CAPN13: variants seen among roughly 807,000 people sequenced by gnomAD.
CAPN13 encodes the protein calpain 13.
A neutral mutation model predicts 98.4 loss-of-function variants in CAPN13; 90 were observed. The observed-to-expected ratio is 0.92, with a 90% CI of 0.77 to 1.09. CAPN13 has a LOEUF of 1.09. Among genes scored for constraint, CAPN13 ranks in the 50% least tolerant of loss-of-function variants. CAPN13 has a pLI of 0.00. For missense variants in CAPN13, 887 were observed against 841.3 expected, an observed-to-expected ratio of 1.05 and a Z score of -0.67; for synonymous variants, 330 against 305.5, an observed-to-expected ratio of 1.08 and a Z score of -0.84.
intron 22 of CAPN13, among the ~76,000 whole-genome samples, chr2:30,728,520 T>C (rs1004023649): frequency 6.6e-6 from 1 of 152,060 alleles, no homozygotes; most frequent in Non-Finnish European, 1.5e-5. Context: ...GGCCAAAGGC[T>C]TCAGGCTGGG....
At chr2:30,775,312 T>C (rs772466559) in intron 4 of CAPN13, among the ~76,000 whole-genome samples, 1 of 152,144 alleles carries the variant, frequency 6.6e-6, no homozygotes, top group Non-Finnish European at 1.5e-5. Context: ...ACACCACCAA[T>C]ATAAATATAA....
intron 1 of CAPN13, among the ~76,000 whole-genome samples, chr2:30,803,073 G>A (rs746556858): frequency 2.6e-5 from 4 of 152,194 alleles, no homozygotes; most frequent in East Asian, 1.9e-4. Flanking sequence ...CATGCCATCC[G>A]ACTGTATCTT....
chr2:30,751,860 C>A (rs1258090657), intron 10 of CAPN13, among the ~76,000 whole-genome samples: 3 of 152,182 alleles, frequency 2.0e-5, no homozygotes, highest in Admixed American at 1.3e-4. Context: ...GGACGTGCTG[C>A]GAGGACTGGA....
At chr2:30,803,111 T>C (rs1675391332) in intron 1 of CAPN13, among the ~76,000 whole-genome samples, 2 of 152,206 alleles carry the variant, frequency 1.3e-5, no homozygotes, top group African/African-American at 4.8e-5. Flanking sequence ...TAGAGTTTTC[T>C]GAGGTGGGGC....
Position 30,727,778 on chromosome 2 carries a change from G to A in CAPN13, c.*30+2952C>T, listed in dbSNP as rs143979591. ...TCAAAAATTTACAAATAGAATTTCC[G>A]TATGATCCAGCAGTTCCACTCATAA... On this transcript the variant is annotated intron_variant, in intron 22 of 22. Transcript: ENST00000295055. 6.8e-3 allele frequency among the ~76,000 whole-genome samples: 1,034 copies of A among 152,162 alleles called. 8 individuals are homozygous for A. Among genetic ancestry groups the A allele is most frequent in the Non-Finnish European group, 8.9e-3 (603 of 68,008 alleles).
At chr2:30,759,986 G>C (rs1304259645) in intron 7 of CAPN13, among the ~76,000 whole-genome samples, 1 of 152,170 alleles carries the variant, frequency 6.6e-6, no homozygotes, top group Non-Finnish European at 1.5e-5. Flanking sequence ...CAGCAGAAGG[G>C]GCTCTGACTT....
intron 2 of CAPN13, among the ~76,000 whole-genome samples, chr2:30,785,610 GC>G (rs1674233401): frequency 2.0e-5 from 3 of 152,020 alleles, no homozygotes; most frequent in Admixed American, 2.0e-4. Context: ...GTTTCTCCTT[GC>G]CCCCAAAAGA....
At chr2:30,754,447 G>A in intron 8 of CAPN13, 83 bp from the exon 9 acceptor site, 1 of 1,138,216 alleles carries the variant, frequency 8.8e-7, no homozygotes, top group East Asian at 2.8e-5. Context: ...GGGACCCTCT[G>A]TACATGTCAC....
Position 30,775,981 on chromosome 2 carries a change from G to A in CAPN13, c.336C>T (p.Ile112=). The A allele has an allele frequency of 2.5e-6, 4 of 1,612,938 alleles. No homozygotes were observed. Among genetic ancestry groups the A allele is most frequent in the Non-Finnish European group, 3.4e-6 (4 of 1,179,408 alleles). ...GGTGTGAAAAGCTTTGGACCATCAG[G>A]ATCTTCTGCCTGTACTGTGGGTTCT... ...LTQNPQYRQK[I]LMVQSFSHQY... is the part of the protein sequence containing the mutation. The change falls in exon 4 of 23, where the codon ATC becomes ATT. Residue 112 remains isoleucine (I), a synonymous_variant. Transcript: ENST00000295055.
At chr2:30,748,591 G>A (rs950223856) in intron 11 of CAPN13, among the ~76,000 whole-genome samples, 2 of 151,982 alleles carry the variant, frequency 1.3e-5, no homozygotes, top group African/African-American at 4.8e-5. Context: ...CATCTAATTG[G>A]GCAGGCCTGG....
chr2:30,803,149 G>C (rs188861836), intron 1 of CAPN13, among the ~76,000 whole-genome samples: 1 of 152,342 alleles, frequency 6.6e-6, no homozygotes, highest in African/African-American at 2.4e-5. Flanking sequence ...TCAGCTGGTT[G>C]GCTGCCACGT....
chr2:30,728,191 G>C (rs1299658244), intron 22 of CAPN13, among the ~76,000 whole-genome samples: 3 of 150,070 alleles, frequency 2.0e-5, no homozygotes, highest in African/African-American at 7.4e-5. Context: ...GGGCATGCTA[G>C]ATGGGCATGG....
chr2:30,751,072 C>G, intron 11 of CAPN13, 31 bp downstream of exon 11: 1 of 1,609,020 alleles, frequency 6.2e-7, no homozygotes, highest in Middle Eastern at 1.7e-4. Flanking sequence ...TAAATTTCTA[C>G]AAGGGAAAGC....
intron 8 of CAPN13, among the ~76,000 whole-genome samples, chr2:30,757,051 T>TA (rs1672488374): frequency 6.6e-6 from 1 of 152,194 alleles, no homozygotes; most frequent in Non-Finnish European, 1.5e-5. Context: ...AGCACCGTCC[T>TA]CACTGTATTG....
At chr2:30,766,864 A>G (rs1362374093) in intron 5 of CAPN13, among the ~76,000 whole-genome samples, 1 of 152,148 alleles carries the variant, frequency 6.6e-6, no homozygotes, top group Non-Finnish European at 1.5e-5. Flanking sequence ...TTGACCAATT[A>G]ATTTCCAGAC....
chr2:30,787,869 AAAGAGG>A (rs1257057036), intron 1 of CAPN13, among the ~76,000 whole-genome samples: 9 of 152,182 alleles, frequency 5.9e-5, no homozygotes, highest in African/African-American at 2.2e-4. Flanking sequence ...CAGGGCTGTT[AAAGAGG>A]TGGGGCATGA....
At chr2:30,767,939 C>T (rs1256436168) in intron 5 of CAPN13, among the ~76,000 whole-genome samples, 1 of 152,162 alleles carries the variant, frequency 6.6e-6, no homozygotes, top group Non-Finnish European at 1.5e-5. Flanking sequence ...AGCTTAACTA[C>T]GTGCACCTGC....
At chr2:30,739,522 G>A (rs138715901) in intron 15 of CAPN13, among the ~76,000 whole-genome samples, 3 of 152,050 alleles carry the variant, frequency 2.0e-5, no homozygotes, top group African/African-American at 7.2e-5. Context: ...GATGGTCCTC[G>A]GGTCATTTCA....
chr2:30,795,763 A>C (rs1236474170), intron 1 of CAPN13, among the ~76,000 whole-genome samples: 1 of 152,108 alleles, frequency 6.6e-6, no homozygotes, highest in Non-Finnish European at 1.5e-5. Context: ...ACACTAATAC[A>C]AATGTATTAC....
Sources: gnomAD v4.1 joint callset for allele counts (sites outside exome capture counted in the v4.1 genomes callset) on GRCh38, gnomAD v4.1.1 for gene constraint, MANE v1.5 for transcripts, NCBI Gene and HGNC (gene_info 2026-07-23, HGNC 2026-07-21) for gene names.